Variants in LRRK2 observed in about 807,000 individuals in gnomAD.
LRRK2 encodes leucine-rich repeat serine/threonine-protein kinase 2.
In LRRK2, 203 loss-of-function variants were observed where a neutral mutation model predicts 302.6. The observed-to-expected ratio is 0.67, with a 90% confidence interval of 0.60 to 0.75. LRRK2 has a LOEUF of 0.75. Among genes scored for constraint, LRRK2 ranks in the 30% least tolerant of loss-of-function variants. LRRK2 has a pLI of 0.00. For synonymous variants in LRRK2, 1,066 were observed against 1,031.9 expected (o/e 1.03, Z -0.63); for missense variants, 2,830 against 2,951.0 (o/e 0.96, Z 0.95).
At chr12:40,329,704 C>T (rs1396456391) in intron 39 of LRRK2, among the ~76,000 whole-genome samples, 2 of 151,912 alleles carry the variant, frequency 1.3e-5, no homozygotes, top group African/African-American at 4.8e-5. Context: ...AAAATAAAGG[C>T]ATATTTTAAT....
chr12:40,295,295 T>C lies in LRRK2; in HGVS notation c.2879-132T>C. ...CTCTGCCACTGGAATGTAAACTCCA[T>C]AGTTTGGTTTTCTACTGAATCTTCA... On this transcript the variant is annotated intron_variant, in intron 22 of 50. Coordinates refer to ENST00000298910, the MANE Select transcript of LRRK2 (RefSeq NM_198578.4). 4 of 769,076 alleles carry C rather than the reference T, an allele frequency of 5.2e-6. No individual in the cohort carries two copies. The Admixed American group carries it at 8.5e-5, about 16-fold the overall frequency. 47.6% of individuals were successfully genotyped at this position (769,076 alleles called of 1,614,324 possible).
At position 40,359,691 on chromosome 12, in the gene LRRK2, G is replaced by A. The variant is rs573698613; in HGVS notation, c.7028+247G>A. Among the ~76,000 whole-genome samples, 4 of 152,126 alleles carry A rather than the reference G, an allele frequency of 2.6e-5. No homozygotes were observed. In the East Asian group the frequency reaches 7.7e-4, roughly 29 times the overall value. On this transcript the variant is annotated intron_variant, in intron 47 of 50. Coordinates refer to ENST00000298910, the MANE Select transcript of LRRK2 (RefSeq NM_198578.4). ...AATATGTAAACTCATTGTAATCTTA[G>A]TAGTATTTATCAATCTAAATTTTTT...
At chr12:40,277,590 G>A (rs1943513766) in intron 16 of LRRK2, among the ~76,000 whole-genome samples, 1 of 152,110 alleles carries the variant, frequency 6.6e-6, no homozygotes, top group African/African-American at 2.4e-5. Flanking sequence ...CTATAACTAT[G>A]GCTTTAGACA....
chr12:40,263,235 T>C (rs929224945), intron 13 of LRRK2, among the ~76,000 whole-genome samples: 8 of 152,214 alleles, frequency 5.3e-5, no homozygotes, highest in African/African-American at 1.7e-4. Context: ...TCAGCTACAG[T>C]GTAGCTTAAT....
At chr12:40,358,062 C>T (rs1300099449) in intron 46 of LRRK2, among the ~76,000 whole-genome samples, 3 of 151,788 alleles carry the variant, frequency 2.0e-5, no homozygotes, top group Non-Finnish European at 4.4e-5. Context: ...GCCACCATAC[C>T]CAGCCCTTTG....
At chr12:40,341,545 CAAT>C (rs1946045710) in intron 41 of LRRK2, among the ~76,000 whole-genome samples, 1 of 152,126 alleles carries the variant, frequency 6.6e-6, no homozygotes, top group South Asian at 2.1e-4. Flanking sequence ...CTGTGTTGTT[CAAT>C]AATAATAAGA....
At chr12:40,326,226 A>C (rs1033411248) in intron 38 of LRRK2, among the ~76,000 whole-genome samples, 2 of 152,088 alleles carry the variant, frequency 1.3e-5, no homozygotes, top group Non-Finnish European at 2.9e-5. Context: ...ACACTTTGGG[A>C]GGCCGAGATG....
At chr12:40,361,344 T>C (rs1295909476) in intron 47 of LRRK2, among the ~76,000 whole-genome samples, 1 of 152,156 alleles carries the variant, frequency 6.6e-6, no homozygotes, top group Non-Finnish European at 1.5e-5. Context: ...TCTTTTATTA[T>C]TTTTATTTTT....
Position 40,299,132 on chromosome 12 carries a change from C to T in LRRK2, c.3371C>T (p.Ser1124Phe), listed in dbSNP as rs1349086079. ...AGAAATAAAATATCAGGGATATGCTCCCCCTTGAGACTGAAGGAACTGAAG... is the reference window on the plus strand; with the variant it reads ...AGAAATAAAATATCAGGGATATGCTTCCCCTTGAGACTGAAGGAACTGAAG... ...LEGNKISGIC[S>F]PLRLKELKIL... The change falls in exon 25 of 51, where the codon TCC becomes TTC. Residue 1124 changes from serine to phenylalanine, a missense_variant. Physicochemically the swap from Ser to Phe is radical, Grantham distance 155 (BLOSUM62 -2). This residue lies in a region of LRRK2 where 2,121 missense variants were observed against 2,148.0 expected (regional missense o/e 0.99). Coordinates refer to ENST00000298910, the MANE Select transcript of LRRK2 (RefSeq NM_198578.4). 5 of 1,612,740 alleles carry T rather than the reference C, an allele frequency of 3.1e-6. No individual in the cohort carries two copies. Among genetic ancestry groups the T allele is most frequent in the Admixed American group, 3.3e-5 (2 of 59,880 alleles).
Position 40,299,203 on chromosome 12 carries a change from T to G in LRRK2, c.3442T>G (p.Phe1148Val). Residue 1148 changes from phenylalanine to valine, a missense_variant, in exon 25 of 51, where the codon TTT becomes GTT. By Grantham distance (50) the Phe-to-Val change is conservative. This residue lies in a region of LRRK2 where 2,121 missense variants were observed against 2,148.0 expected (regional missense o/e 0.99). Coordinates refer to ENST00000298910, the MANE Select transcript of LRRK2 (RefSeq NM_198578.4). ...KNHISSLSEN[F>V]LEACPKVESF... ...CCACATTTCATCCCTATCAGAGAAC[T>G]TTCTTGAGGCTTGTCCTAAAGTGGA... The G allele has an allele frequency of 1.2e-6, 2 of 1,613,654 alleles. No individual in the cohort carries two copies. The highest frequency in any genetic ancestry group is 1.3e-5 in the African/African-American group (1 of 74,980).
Position 40,306,712 on chromosome 12 carries a change from C to G in LRRK2, c.3959+746C>G, listed in dbSNP as rs528233970. Among the ~76,000 whole-genome samples the G allele has an allele frequency of 2.0e-5, 3 of 152,234 alleles. No individual in the cohort carries two copies. In the South Asian group the frequency reaches 6.2e-4, roughly 32 times the overall value. ...TTCACTCACTATTCAAATCTTGGCACCCAACACAGTGCCTGGCATACAATT... is the reference window on the plus strand; with the variant it reads ...TTCACTCACTATTCAAATCTTGGCAGCCAACACAGTGCCTGGCATACAATT... On this transcript the variant is annotated intron_variant, in intron 28 of 50. Coordinates refer to ENST00000298910, the MANE Select transcript of LRRK2 (RefSeq NM_198578.4).
intron 27 of LRRK2, among the ~76,000 whole-genome samples, chr12:40,305,207 A>G (rs1284610099): frequency 2.6e-5 from 4 of 152,164 alleles, no homozygotes; most frequent in African/African-American, 9.6e-5. Context: ...AGTGTCTGAC[A>G]CTGTGAGGTT....
In LRRK2 at chr12:40,310,480, T is replaced by A. The variant is rs1225893209; in HGVS notation, c.4367T>A (p.Val1456Asp). The change falls in exon 31 of 51, where the codon GTT (valine) becomes GAT (aspartate). Residue 1456 changes from valine to aspartate, a missense_variant. Physicochemically the swap from Val to Asp is radical, Grantham distance 152. This residue lies in a region of LRRK2 where 2,121 missense variants were observed against 2,148.0 expected (regional missense o/e 0.99). Transcript: ENST00000298910. The stretch of plus-strand genomic sequence containing the variant: ...ATTCTCGTTGGCACACATTTGGATG[T>A]TTCTGATGAGAAGCAACGCAAAGCC... ...PVILVGTHLD[V>D]SDEKQRKACM... 6.2e-7 allele frequency: 1 copy of A among 1,613,126 alleles called. No individual in the cohort carries two copies. Among genetic ancestry groups the A allele is most frequent in the Non-Finnish European group, 8.5e-7 (1 of 1,179,776 alleles).
chr12:40,328,451 G>C lies in LRRK2; in HGVS notation c.5748G>C (p.Leu1916=), dbSNP rs201169885. The change falls in exon 39 of 51, where the codon CTG becomes CTC. Residue 1916 remains leucine, a synonymous_variant. Coordinates refer to ENST00000298910, the MANE Select transcript of LRRK2 (RefSeq NM_198578.4). ...TTAATAAACATACATCACTCAGGCT[G>C]TTAAGACAAGTAAGAAATTCAATAA... The part of the protein sequence containing the change: ...KIFNKHTSLR[L]LRQELVVLCH... 44 of 1,602,882 alleles carry C rather than the reference G, an allele frequency of 2.7e-5. No individual in the cohort carries two copies. The highest frequency in any genetic ancestry group is 3.7e-5 in the Non-Finnish European group (43 of 1,171,008).
intron 38 of LRRK2, among the ~76,000 whole-genome samples, chr12:40,325,061 G>A (rs1040482328): frequency 6.6e-6 from 1 of 152,162 alleles, no homozygotes. Flanking sequence ...GCCGAGGTGG[G>A]TGTATCACGA....
intron 25 of LRRK2, 113 bp downstream of exon 25, chr12:40,299,370 A>T: frequency 8.6e-7 from 1 of 1,164,528 alleles, no homozygotes; most frequent in Non-Finnish European, 1.3e-6. Context: ...TTTAAATATT[A>T]TGCTGGATTT....
intron 31 of LRRK2, among the ~76,000 whole-genome samples, chr12:40,312,289 T>G (rs1238065522): frequency 6.6e-6 from 1 of 152,112 alleles, no homozygotes; most frequent in Non-Finnish European, 1.5e-5. Flanking sequence ...GAAATACCAG[T>G]ATTATTGAAA....
intron 14 of LRRK2, among the ~76,000 whole-genome samples, chr12:40,267,649 C>T (rs1271170449): frequency 6.6e-6 from 1 of 152,086 alleles, no homozygotes; most frequent in Non-Finnish European, 1.5e-5. Flanking sequence ...CCAGTACTGA[C>T]GCACAGCCTT....
At chr12:40,336,322 C>T (rs1043236561) in intron 40 of LRRK2, among the ~76,000 whole-genome samples, 1 of 152,148 alleles carries the variant, frequency 6.6e-6, no homozygotes, top group Non-Finnish European at 1.5e-5. Flanking sequence ...AGAGGATGTC[C>T]GCAACGACCC....
Sources: allele counts gnomAD v4.1 joint callset (sites outside exome capture counted in the v4.1 genomes callset), GRCh38; gene constraint gnomAD v4.1.1; regional missense constraint gnomAD v4.1.1; transcripts MANE v1.5; gene names NCBI Gene and HGNC (gene_info 2026-07-23, HGNC 2026-07-21).